The following CNTRL variants were observed in gnomAD, a reference collection of about 807,000 sequenced individuals.
CNTRL encodes the protein centriolin, also known as 110 kDa centrosomal protein.
A neutral mutation model predicts 303.7 loss-of-function variants in CNTRL; 233 were observed. The observed-to-expected ratio is 0.77, with a 90% confidence interval of 0.69 to 0.86. The LOEUF is 0.86. Among genes scored for constraint, CNTRL ranks in the 40% least tolerant of loss-of-function variants. The pLI is 0.00. For missense variants in CNTRL, 2,524 were observed against 2,650.6 expected, an observed-to-expected ratio of 0.95 and a Z score of 1.05; for synonymous variants, 900 against 922.2, an observed-to-expected ratio of 0.98 and a Z score of 0.44.
Position 121,176,471 on chromosome 9 carries a change from T to C in CNTRL, c.6955-692T>C, listed in dbSNP as rs1465945466. On this transcript the variant is annotated intron_variant, in intron 43 of 43. Coordinates refer to ENST00000373855, the MANE Select transcript of CNTRL (RefSeq NM_007018.6). ...AGTCAGGTAAAGGCCAAAATCATCA[T>C]GGGCCTTAGGGCAGGGTTCGAGGAG... Among the ~76,000 whole-genome samples the C allele has an allele frequency of 2.6e-5, 4 of 152,320 alleles. No individual in the cohort carries two copies. The East Asian group carries it at 5.8e-4, about 22-fold the overall frequency.
chr9:121,085,695 A>G (rs2048317787), intron 2 of CNTRL, among the ~76,000 whole-genome samples: 1 of 152,228 alleles, frequency 6.6e-6, no homozygotes, highest in African/African-American at 2.4e-5. Context: ...GAAAAGTAAC[A>G]GTTTAATTGG....
At chr9:121,129,959 C>T (rs1588190153) in intron 14 of CNTRL, among the ~76,000 whole-genome samples, 1 of 152,180 alleles carries the variant, frequency 6.6e-6, no homozygotes, top group Non-Finnish European at 1.5e-5. Context: ...TATGTTGAAC[C>T]AGCCTTGCAT....
chr9:121,128,594 C>T (rs2050674439), intron 14 of CNTRL, among the ~76,000 whole-genome samples: 1 of 152,120 alleles, frequency 6.6e-6, no homozygotes, highest in Non-Finnish European at 1.5e-5. Flanking sequence ...TGTAGGTTGC[C>T]TGTTCACTCT....
chr9:121,113,856 G>A (rs1446468247), intron 10 of CNTRL, 132 bp downstream of exon 10: 4 of 525,826 alleles, frequency 7.6e-6, no homozygotes, highest in Non-Finnish European at 1.3e-5. Flanking sequence ...TAAAACAAAA[G>A]TAGTGATTAT....
chr9:121,124,894 G>A (rs1011033191), intron 13 of CNTRL, among the ~76,000 whole-genome samples: 23 of 150,826 alleles, frequency 1.5e-4, no homozygotes, highest in Non-Finnish European at 2.7e-4. Context: ...ACAGTGAACC[G>A]TGATTGTGCC....
chr9:121,098,044 T>G (rs2048967899), intron 6 of CNTRL, among the ~76,000 whole-genome samples: 1 of 152,228 alleles, frequency 6.6e-6, no homozygotes. Context: ...TTACACAAAC[T>G]TGAATTCAAA....
At chr9:121,155,031 C>A in intron 27 of CNTRL, 118 bp downstream of exon 27, 2 of 876,678 alleles carry the variant, frequency 2.3e-6, no homozygotes, top group South Asian at 1.4e-5. Context: ...AGTCAGACAG[C>A]CAGGTTCCAG....
chr9:121,142,992 T>C (rs1215255799), intron 19 of CNTRL, among the ~76,000 whole-genome samples: 1 of 152,220 alleles, frequency 6.6e-6, no homozygotes, highest in Non-Finnish European at 1.5e-5. Flanking sequence ...TGAAGCTCTC[T>C]GCTTTCTTTG....
chr9:121,114,944 ATTACT>A (rs1316653258), intron 10 of CNTRL, 142 bp from the exon 11 acceptor site: 1 of 532,610 alleles, frequency 1.9e-6, no homozygotes, highest in African/African-American at 2.0e-5. Context: ...ATCATAAGTA[ATTACT>A]TTAAAATTTT....
At chr9:121,132,935 A>G (rs986849733) in intron 14 of CNTRL, among the ~76,000 whole-genome samples, 2 of 152,200 alleles carry the variant, frequency 1.3e-5, no homozygotes, top group Non-Finnish European at 2.9e-5. Context: ...GGTCCACTCC[A>G]GACCCTGTTT....
At chr9:121,169,132 C>G (rs2053207076) in intron 38 of CNTRL, among the ~76,000 whole-genome samples, 1 of 152,176 alleles carries the variant, frequency 6.6e-6, no homozygotes, top group South Asian at 2.1e-4. Flanking sequence ...ACACATTATT[C>G]CAATTGAACA....
At chr9:121,107,700 A>G in intron 7 of CNTRL, 102 bp from the exon 8 acceptor site, 1 of 769,910 alleles carries the variant, frequency 1.3e-6, no homozygotes, top group South Asian at 2.3e-5. Context: ...AATTGTATTT[A>G]CAATATTTTT....
chr9:121,124,098 T>C lies in CNTRL; in HGVS notation c.1804+14T>C. 3.8e-6 allele frequency: 6 copies of C among 1,597,296 alleles called. No individual in the cohort carries two copies. Among genetic ancestry groups the C allele is most frequent in the Non-Finnish European group, 5.1e-6 (6 of 1,173,550 alleles). ...AGCTTACTGAAGGTAAGACTTTCAG[T>C]ATGATTTAAGGTAAATCAGTGTTAT... is the stretch of plus-strand genomic sequence containing the variant. On this transcript the variant is annotated intron_variant, in intron 13 of 43. Transcript: ENST00000373855.
chr9:121,108,874 C>T (rs1167303384), intron 8 of CNTRL, among the ~76,000 whole-genome samples: 2 of 152,186 alleles, frequency 1.3e-5, no homozygotes, highest in African/African-American at 4.8e-5. Context: ...TGAAAGTCCA[C>T]TCTTCCCTAC....
Position 121,150,478 on chromosome 9 carries a change from A to G in CNTRL, c.3958A>G (p.Asn1320Asp), listed in dbSNP as rs761801043. Reference protein sequence around the residue: ...VLHCNVPEHHNLENEVSRLED... With the variant: ...VLHCNVPEHHDLENEVSRLED... ...GCATTGCAACGTCCCTGAACACCAT[A>G]ACTTAGTAAGTGGAAAGACATACAA... Residue 1320 changes from asparagine (N) to aspartate (D), a missense_variant, in exon 25 of 44, where the codon AAC becomes GAC. Asn to Asp is a conservative substitution (Grantham distance 23, BLOSUM62 1). Transcript: ENST00000373855. The G allele has an allele frequency of 6.2e-7, 1 of 1,613,972 alleles. No individual in the cohort carries two copies. The highest frequency in any genetic ancestry group is 1.1e-5 in the South Asian group (1 of 91,082).
rs1158749387 is a variant in CNTRL, at chr9:121,157,738, A to G, written c.4497-2A>G. 1 of 1,613,826 alleles carries G rather than the reference A, an allele frequency of 6.2e-7. No individual in the cohort carries two copies. Among genetic ancestry groups the G allele is most frequent in the African/African-American group, 1.3e-5 (1 of 75,016 alleles). ...TGGGGGGAATAAAGCAATGTGCTTT[A>G]GATCGCTCCAGGCTGATGCAAAGGA... On this transcript the variant is annotated splice_acceptor_variant, in intron 28 of 43. Transcript: ENST00000373855. LOFTEE classifies it high-confidence loss of function.
Position 121,102,684 on chromosome 9 carries a change from C to T in CNTRL, c.808+4112C>T, listed in dbSNP as rs750364007. ...AGCCCAAAATCTCCTTAAGCTGATA[C>T]GCAACTTCAGCAAACTCTCAGGATA... On this transcript the variant is annotated intron_variant, in intron 7 of 43. Coordinates refer to ENST00000373855, the MANE Select transcript of CNTRL (RefSeq NM_007018.6). 4.1e-4 allele frequency among the ~76,000 whole-genome samples: 63 copies of T among 152,204 alleles called. 1 individual carries two copies. The highest frequency in any genetic ancestry group is 9.8e-4 in the Admixed American group (15 of 15,278).
intron 7 of CNTRL, among the ~76,000 whole-genome samples, chr9:121,107,122 AC>A (rs2049512802): frequency 2.6e-5 from 4 of 152,102 alleles, no homozygotes; most frequent in Non-Finnish European, 5.9e-5. Flanking sequence ...GAATCATCTA[AC>A]CTGGTGACAG....
At chr9:121,140,974 G>A (rs2051476099) in intron 17 of CNTRL, among the ~76,000 whole-genome samples, 188 bp downstream of exon 17, 1 of 152,008 alleles carries the variant, frequency 6.6e-6, no homozygotes. Context: ...GCCACTGATT[G>A]TTTTTACATT....
Sources: gnomAD v4.1 joint callset for allele counts (sites outside exome capture counted in the v4.1 genomes callset) on GRCh38, gnomAD v4.1.1 for gene constraint, MANE v1.5 for transcripts, NCBI Gene and HGNC (gene_info 2026-07-23, HGNC 2026-07-21) for gene names.